PCDH11X: variants seen among roughly 807,000 people sequenced by gnomAD.
The protein encoded by PCDH11X is protocadherin 11 X-linked.
Under a neutral mutation model 53.3 loss-of-function variants are expected in PCDH11X, and 18 were observed. That is an observed-to-expected ratio of 0.34 (90% confidence interval 0.23 to 0.50). The LOEUF is 0.50. PCDH11X is among the 20% of genes least tolerant of loss of function. The pLI, the probability that PCDH11X is intolerant of heterozygous loss-of-function variation, is 0.98. For synonymous variants in PCDH11X, 279 were observed against 393.3 expected (o/e 0.71, Z 3.44); for missense variants, 570 against 1,032.4 (o/e 0.55, Z 6.14).
intron 9 of PCDH11X, among the ~76,000 whole-genome samples, chrX:92,464,116 A>G (rs2073107653): frequency 8.9e-6 from 1 of 111,984 alleles, no homozygotes; most frequent in African/African-American, 3.2e-5. Context: ...AACTCAAGGC[A>G]CAGAGGAATA....
chrX:92,196,098 G>C (rs780519361), intron 6 of PCDH11X, among the ~76,000 whole-genome samples: 76 of 111,886 alleles, frequency 6.8e-4, no homozygotes, highest in Middle Eastern at 9.2e-3. Context: ...GTAATCTACA[G>C]AGTCCTTCTA....
intron 9 of PCDH11X, among the ~76,000 whole-genome samples, chrX:92,463,136 A>G (rs1439549160): frequency 9.1e-6 from 1 of 109,426 alleles, no homozygotes; most frequent in Non-Finnish European, 1.9e-5. Flanking sequence ...TTTGCCTTAT[A>G]TTTTTAGCAA....
chrX:92,599,799 G>A (rs145117665), intron 10 of PCDH11X, among the ~76,000 whole-genome samples: 119 of 111,634 alleles, frequency 1.1e-3, no homozygotes, highest in African/African-American at 3.7e-3. Flanking sequence ...AAGTTTGGAC[G>A]TTCCTGGAGA....
At chrX:91,896,151 GTC>G (rs1260908644) in intron 6 of PCDH11X, among the ~76,000 whole-genome samples, 1 of 108,786 alleles carries the variant, frequency 9.2e-6, no homozygotes, top group East Asian at 2.9e-4. Flanking sequence ...TTGAGACAGA[GTC>G]TCTCTCTGTC....
At chrX:92,370,542 C>T (rs1334838762) in intron 8 of PCDH11X, among the ~76,000 whole-genome samples, 1 of 103,559 alleles carries the variant, frequency 9.7e-6, no homozygotes, top group Non-Finnish European at 2.0e-5. Flanking sequence ...TCACTGAAAT[C>T]TCCACCTCCC....
intron 8 of PCDH11X, among the ~76,000 whole-genome samples, chrX:92,383,766 A>T (rs1396157588): frequency 9.0e-6 from 1 of 111,700 alleles, no homozygotes; most frequent in Non-Finnish European, 1.9e-5. Flanking sequence ...TGCTATTGTG[A>T]ACAGTGCCGC....
chrX:92,554,572 TA>T (rs34658926), intron 10 of PCDH11X, among the ~76,000 whole-genome samples: 42,553 of 108,214 alleles, frequency 0.39, 6,501 homozygotes, highest in South Asian at 0.49. Context: ...TCCATTTTTA[TA>T]AACTATTCTT....
chrX:92,596,882 C>A (rs980644732), intron 10 of PCDH11X, among the ~76,000 whole-genome samples: 4 of 109,075 alleles, frequency 3.7e-5, no homozygotes, highest in Non-Finnish European at 7.6e-5. Context: ...AGTCTTTATT[C>A]CTATTACACA....
chrX:92,128,764 A>G (rs1448388200), intron 6 of PCDH11X, among the ~76,000 whole-genome samples: 1 of 110,857 alleles, frequency 9.0e-6, no homozygotes, highest in East Asian at 2.8e-4. Context: ...ATTAAAAAAA[A>G]TAAATGAACA....
Position 92,072,371 on chromosome X carries a change from C to A in PCDH11X, c.3034-129004C>A, listed in dbSNP as rs1247733944. Among the ~76,000 whole-genome samples the A allele has an allele frequency of 5.4e-5, 6 of 111,046 alleles. No individual in the cohort carries two copies. In the East Asian group the frequency reaches 1.7e-3, roughly 32 times the overall value. On this transcript the variant is annotated intron_variant, in intron 6 of 10. Transcript: ENST00000682573. ...TTTCTCAAGCAGAAGGAGTTTTGCC[C>A]TATAACCACCACTGCTGATAATGCG...
intron 10 of PCDH11X, among the ~76,000 whole-genome samples, chrX:92,564,952 G>T (rs1431692584): frequency 9.1e-6 from 1 of 110,414 alleles, no homozygotes; most frequent in Non-Finnish European, 1.9e-5. Context: ...GATAAAATAA[G>T]AACAGAAGAT....
chrX:92,222,681 T>A (rs2066904319), intron 7 of PCDH11X, among the ~76,000 whole-genome samples: 1 of 112,262 alleles, frequency 8.9e-6, no homozygotes, highest in Non-Finnish European at 1.9e-5. Context: ...ATAGAAATAA[T>A]TCACAAGAGT....
rs199796931 is a variant in PCDH11X, at chrX:92,220,797, C to A, written c.3114+19342C>A. 7.7e-5 allele frequency among the ~76,000 whole-genome samples: 8 copies of A among 104,019 alleles called. No individual in the cohort carries two copies. The East Asian group carries it at 2.5e-3, about 32-fold the overall frequency. 90.3% of individuals were successfully genotyped at this position (104,019 alleles called of 115,157 possible). On this transcript the variant is annotated intron_variant, in intron 7 of 10. Transcript: ENST00000682573. ...CACAATAGCAAAGACTTGGAACCAACCCAAATGTCCAACAATGATAGACTG... is the reference window on the plus strand; with the variant it reads ...CACAATAGCAAAGACTTGGAACCAAACCAAATGTCCAACAATGATAGACTG...
intron 6 of PCDH11X, among the ~76,000 whole-genome samples, chrX:92,116,489 A>C (rs1375730027): frequency 1.8e-5 from 2 of 112,567 alleles, no homozygotes; most frequent in African/African-American, 6.4e-5. Flanking sequence ...AGGTGTAGAC[A>C]GATGTAGAAA....
At chrX:92,174,199 A>T (rs993203927) in intron 6 of PCDH11X, among the ~76,000 whole-genome samples, 1 of 107,945 alleles carries the variant, frequency 9.3e-6, no homozygotes, top group African/African-American at 3.4e-5. Flanking sequence ...AAGACTCTAG[A>T]CAGTATGATT....
intron 4 of PCDH11X, among the ~76,000 whole-genome samples, chrX:91,828,785 C>T (rs941793625): frequency 9.0e-6 from 1 of 111,550 alleles, no homozygotes; most frequent in Admixed American, 9.5e-5. Context: ...TTCATTGTCT[C>T]ACGGGGTGAA....
chrX:92,258,084 C>T (rs1362523049), intron 7 of PCDH11X, among the ~76,000 whole-genome samples: 2 of 111,803 alleles, frequency 1.8e-5, no homozygotes, highest in Non-Finnish European at 1.9e-5. Context: ...GGCTTACCTC[C>T]ATGTGGAAAC....
At chrX:92,270,417 G>T (rs1248326646) in intron 8 of PCDH11X, among the ~76,000 whole-genome samples, 1 of 111,923 alleles carries the variant, frequency 8.9e-6, no homozygotes, top group African/African-American at 3.2e-5. Flanking sequence ...AGCCAACTGT[G>T]TCCAGCCAAA....
chrX:92,320,557 A>G (rs1469517641), intron 8 of PCDH11X, among the ~76,000 whole-genome samples: 1 of 111,391 alleles, frequency 9.0e-6, no homozygotes, highest in East Asian at 2.9e-4. Flanking sequence ...TACAGTTCTA[A>G]AAAGTTATTA....
Sources: allele counts gnomAD v4.1 joint callset (sites outside exome capture counted in the v4.1 genomes callset), GRCh38; gene constraint gnomAD v4.1.1; transcripts MANE v1.5; gene names NCBI Gene and HGNC (gene_info 2026-07-23, HGNC 2026-07-21).